The following PCDHA2 variants were observed in gnomAD, a reference collection of about 807,000 sequenced individuals.
The protein encoded by PCDHA2 is protocadherin alpha-2.
PCDHA2 carries 58 observed loss-of-function variants against 66.0 expected under a neutral mutation model. The observed-to-expected ratio is 0.88, with a 90% CI of 0.71 to 1.09. The LOEUF is 1.09. PCDHA2 is among the 50% of genes least tolerant of loss of function. The probability of loss-of-function intolerance (pLI) is 0.00; values close to 1 mark genes in which losing one functional copy is unlikely to be tolerated. For synonymous variants in PCDHA2, 634 were observed against 554.0 expected, an observed-to-expected ratio of 1.14 and a Z score of -2.03; for missense variants, 1,267 against 1,242.3, an observed-to-expected ratio of 1.02 and a Z score of -0.30.
chr5:140,794,872 TAA>T lies in PCDHA2; in HGVS notation c.-92_-91del. ...TTGTTACTTCAGAGAAGCGGAGGAA[TAA>T]GAGAAGCAGCAGGACTTTAACAGAG... On this transcript the variant is annotated 5_prime_UTR_variant, in exon 1 of 4. In the 5' UTR this introduces an upstream ATG that the reference lacks. Coordinates refer to ENST00000526136, the MANE Select transcript of PCDHA2 (RefSeq NM_018905.3). 7.4e-7 allele frequency: 1 copy of T among 1,347,756 alleles called. No homozygotes were observed. The highest frequency in any genetic ancestry group is 2.3e-5 in the Admixed American group (1 of 43,318). 83.5% of individuals were successfully genotyped at this position (1,347,756 alleles called of 1,614,324 possible). A position where few individuals can be genotyped will look rare whatever the true frequency, so the allele number is the denominator to read the frequency against.
At chr5:140,815,455 A>C (rs1554126782) in intron 1 of PCDHA2, 1 of 152,158 alleles carries the variant, frequency 6.6e-6, no homozygotes, top group African/African-American at 2.4e-5. Flanking sequence ...TCACAAAACA[A>C]AACTCATTAT....
At chr5:140,868,949 G>A (rs2050751465) in intron 1 of PCDHA2, 1 of 1,302,330 alleles carries the variant, frequency 7.7e-7, no homozygotes, top group Non-Finnish European at 1.0e-6. Context: ...GAACAGTGAG[G>A]CACTCCCATA....
rs2150486791 is a variant in PCDHA2 at position 140,850,510 on chromosome 5, G to C, written c.2388+53158G>C. The C allele has an allele frequency of 3.8e-6, 6 of 1,598,136 alleles. No homozygotes were observed. In the African/African-American group the frequency reaches 4.0e-5, roughly 11 times the overall value. On this transcript the variant is annotated intron_variant, in intron 1 of 3. Coordinates refer to ENST00000526136, the MANE Select transcript of PCDHA2 (RefSeq NM_018905.3). ...ACTGTGCTGGTGTCGCTGGTGGAGA[G>C]CGGCCAGGCGCCAAAGTCATCGTCG...
chr5:140,915,262 T>G (rs539637990), intron 1 of PCDHA2, among the ~76,000 whole-genome samples: 1 of 152,290 alleles, frequency 6.6e-6, no homozygotes, highest in Admixed American at 6.5e-5. Context: ...GTTATTATTT[T>G]TGACCAGTTC....
intron 1 of PCDHA2, among the ~76,000 whole-genome samples, chr5:140,916,184 A>C (rs1554197322): frequency 6.6e-6 from 1 of 152,092 alleles, no homozygotes. Context: ...CTCTTCAAGG[A>C]AGTGGGCACC....
intron 1 of PCDHA2, among the ~76,000 whole-genome samples, chr5:140,972,762 A>G (rs1048509158): frequency 4.7e-5 from 7 of 150,026 alleles, no homozygotes; most frequent in African/African-American, 1.7e-4. Context: ...CTCCCAAGTT[A>G]AAGTGATTCT....
At chr5:140,935,394 G>C (rs959098226) in intron 1 of PCDHA2, among the ~76,000 whole-genome samples, 2 of 152,088 alleles carry the variant, frequency 1.3e-5, no homozygotes, top group East Asian at 3.8e-4. Context: ...GTTATCCCAC[G>C]GGACTCAAAC....
At chr5:140,823,954 A>G (rs1408335072) in intron 1 of PCDHA2, 1 of 1,613,832 alleles carries the variant, frequency 6.2e-7, no homozygotes, top group Non-Finnish European at 8.5e-7. Flanking sequence ...GGCGCAGCCC[A>G]CCGAGGCCGT....
At chr5:140,907,872 G>A (rs1473403839) in intron 1 of PCDHA2, among the ~76,000 whole-genome samples, 1 of 152,208 alleles carries the variant, frequency 6.6e-6, no homozygotes, top group Non-Finnish European at 1.5e-5. Flanking sequence ...CCGTTGGTGA[G>A]CACTCACATG....
intron 1 of PCDHA2, chr5:140,875,865 G>A (rs782211791): frequency 6.2e-7 from 1 of 1,614,160 alleles, no homozygotes; most frequent in Non-Finnish European, 8.5e-7. Context: ...ACAACCCGCC[G>A]GTGTTCAGAG....
At chr5:140,981,629 G>A (rs1342775971) in intron 2 of PCDHA2, among the ~76,000 whole-genome samples, 1 of 151,994 alleles carries the variant, frequency 6.6e-6, no homozygotes. Flanking sequence ...GGTTTTCTTG[G>A]ACATTTTCTC....
At chr5:140,848,360 G>A (rs1475773357) in intron 1 of PCDHA2, 1 of 1,069,390 alleles carries the variant, frequency 9.4e-7, no homozygotes, top group Non-Finnish European at 1.4e-6. Context: ...TTTCCCATGG[G>A]AAAGAGGCTC....
In PCDHA2 at chr5:140,995,570, A is replaced by T. The variant is rs186345842; in HGVS notation, c.2536+13007A>T. ...TCACTGTACTGAATAATATGTCAAG[A>T]TGAGCTATGAGCTTTTAACTTAGTG... is the stretch of plus-strand genomic sequence containing the variant. On this transcript the variant is annotated intron_variant, in intron 3 of 3. Transcript: ENST00000526136. Among the ~76,000 whole-genome samples, 3 of 152,328 alleles carry T rather than the reference A, an allele frequency of 2.0e-5. No homozygotes were observed. In the East Asian group the frequency reaches 5.8e-4, roughly 29 times the overall value.
chr5:140,961,515 C>T (rs2095619049), intron 1 of PCDHA2, among the ~76,000 whole-genome samples: 1 of 152,092 alleles, frequency 6.6e-6, no homozygotes, highest in Admixed American at 6.5e-5. Flanking sequence ...TTTAATGTCT[C>T]CACAAATTCT....
At chr5:140,801,670 C>A in intron 1 of PCDHA2, 1 of 1,614,208 alleles carries the variant, frequency 6.2e-7, no homozygotes, top group Non-Finnish European at 8.5e-7. Context: ...GAGGGCGCAT[C>A]AGATGCAGAT....
At chr5:140,985,739 C>CTTTTTT (rs11372071) in intron 3 of PCDHA2, among the ~76,000 whole-genome samples, 3 of 117,922 alleles carry the variant, frequency 2.5e-5, no homozygotes, top group Non-Finnish European at 1.7e-5. Context: ...TGATGAATTC[C>CTTTTTT]TTTTTTTTTT....
At chr5:140,926,899 G>T (rs1554203765) in intron 1 of PCDHA2, 28 of 1,552,028 alleles carry the variant, frequency 1.8e-5, no homozygotes, top group Non-Finnish European at 2.4e-5. Context: ...GAGGATGGTG[G>T]GCTGTGGGGT....
At chr5:140,966,794 G>T in intron 1 of PCDHA2, 1 of 1,533,558 alleles carries the variant, frequency 6.5e-7, no homozygotes. Context: ...CAGACCTGCG[G>T]CGACAGAGCA....
rs1162515573 is a variant in PCDHA2, at chr5:140,941,250, T to C, written c.2389-37699T>C. 3.6e-5 allele frequency among the ~76,000 whole-genome samples: 5 copies of C among 139,366 alleles called. No homozygotes were observed. In the East Asian group the frequency reaches 1.0e-3, roughly 29 times the overall value. 91.4% of individuals were successfully genotyped at this position (139,366 alleles called of 152,430 possible). A position where few individuals can be genotyped will look rare whatever the true frequency, so the allele number is the denominator to read the frequency against. ...TTCTTTCTTTCTTTCTTTCTTTCTT[T>C]CTTTCTCTTTCTTTCTTTCTTTCCT... is the stretch of plus-strand genomic sequence containing the variant. On this transcript the variant is annotated intron_variant, in intron 1 of 3. Coordinates refer to ENST00000526136, the MANE Select transcript of PCDHA2 (RefSeq NM_018905.3).
Sources: allele counts gnomAD v4.1 joint callset (sites outside exome capture counted in the v4.1 genomes callset), GRCh38; gene constraint gnomAD v4.1.1; transcripts MANE v1.5; gene names NCBI Gene and HGNC (gene_info 2026-07-23, HGNC 2026-07-21).